CRISPLD1: variants seen among roughly 807,000 people sequenced by gnomAD.
The protein encoded by CRISPLD1 is cysteine rich secretory protein LCCL domain containing 1.
A neutral mutation model predicts 77.5 loss-of-function variants in CRISPLD1; 60 were observed. The observed-to-expected ratio is 0.77, with a 90% CI of 0.63 to 0.96. CRISPLD1 has a LOEUF of 0.96. Among genes scored for constraint, CRISPLD1 ranks in the 40% least tolerant of loss-of-function variants. The probability of loss-of-function intolerance (pLI) is 0.00; values close to 1 mark genes in which losing one functional copy is unlikely to be tolerated. For synonymous variants in CRISPLD1, 195 were observed against 200.1 expected (o/e 0.97, Z 0.22); for missense variants, 623 against 615.8 (o/e 1.01, Z -0.12).
At chr8:74,999,317 C>T (rs1232761271) in intron 2 of CRISPLD1, among the ~76,000 whole-genome samples, 3 of 152,150 alleles carry the variant, frequency 2.0e-5, no homozygotes, top group African/African-American at 7.2e-5. Context: ...GTAAGCCATG[C>T]ATGCTTTATA....
chr8:75,019,445 A>C (rs138477399), intron 10 of CRISPLD1, among the ~76,000 whole-genome samples: 194 of 152,276 alleles, frequency 1.3e-3, no homozygotes, highest in African/African-American at 4.6e-3. Context: ...AAAAAGGAAT[A>C]ATGGACGCTC....
chr8:75,018,600 T>G (rs939734530), intron 10 of CRISPLD1, among the ~76,000 whole-genome samples: 2 of 149,370 alleles, frequency 1.3e-5, no homozygotes, highest in Non-Finnish European at 1.5e-5. Flanking sequence ...TTATACAGTC[T>G]TATTAAAAGG....
chr8:75,007,222 T>C (rs937199042), intron 2 of CRISPLD1, among the ~76,000 whole-genome samples: 1 of 152,162 alleles, frequency 6.6e-6, no homozygotes, highest in African/African-American at 2.4e-5. Context: ...TAATTTACTA[T>C]GGTCAAGAAG....
At chr8:75,022,341 C>T (rs574296680) in intron 12 of CRISPLD1, among the ~76,000 whole-genome samples, 3 of 152,010 alleles carry the variant, frequency 2.0e-5, no homozygotes, top group Admixed American at 6.5e-5. Context: ...AATCCCAGCA[C>T]TTTGGGAGGC....
At position 75,032,984 on chromosome 8, in the gene CRISPLD1, C is replaced by T. The variant is rs929611709; in HGVS notation, c.*742C>T. On this transcript the variant is annotated 3_prime_UTR_variant, in exon 15 of 15. Transcript: ENST00000262207. ...CTATGTACTGTTAAAATTGAGGTCACATATTTTCTTTTGTATCCTGGCAAA... is the reference window on the plus strand; with the variant it reads ...CTATGTACTGTTAAAATTGAGGTCATATATTTTCTTTTGTATCCTGGCAAA... 4 of 151,906 alleles carry T rather than the reference C, an allele frequency of 2.6e-5. No individual in the cohort carries two copies. The highest frequency in any genetic ancestry group is 9.7e-5 in the African/African-American group (4 of 41,390). 9.4% of individuals were successfully genotyped at this position (151,906 alleles called of 1,614,324 possible).
chr8:74,987,257 T>G (rs956797733), intron 2 of CRISPLD1, among the ~76,000 whole-genome samples: 5 of 152,164 alleles, frequency 3.3e-5, no homozygotes, highest in African/African-American at 1.2e-4. Context: ...TATTTTACCC[T>G]AAAGAAAGTA....
intron 5 of CRISPLD1, 136 bp from the exon 6 acceptor site, chr8:75,014,676 A>G (rs1812994847): frequency 1.3e-5 from 7 of 543,918 alleles, no homozygotes; most frequent in Non-Finnish European, 1.9e-5. Flanking sequence ...GAAGGGCTCT[A>G]TAATAAATTA....
chr8:74,991,520 A>G (rs1016236018), intron 2 of CRISPLD1, among the ~76,000 whole-genome samples: 1 of 152,128 alleles, frequency 6.6e-6, no homozygotes, highest in South Asian at 2.1e-4. Flanking sequence ...CTGTGTTCAC[A>G]TTGAATTACT....
At position 74,991,595 on chromosome 8, in the gene CRISPLD1, G is replaced by C. The variant is rs547711030; in HGVS notation, c.258+5350G>C. On this transcript the variant is annotated intron_variant, in intron 2 of 14. Transcript: ENST00000262207. ...TGCTGGGCTGGAGCGCAATGGTACT[G>C]TCTCGGCTCACTGCAATGTCCGCCT... Among the ~76,000 whole-genome samples the C allele has an allele frequency of 1.1e-3, 163 of 152,172 alleles. 4 individuals carry two copies. The highest frequency in any genetic ancestry group is 5.0e-4 in the Non-Finnish European group (34 of 68,028).
chr8:74,998,890 C>T (rs886620012), intron 2 of CRISPLD1, among the ~76,000 whole-genome samples: 1 of 151,660 alleles, frequency 6.6e-6, no homozygotes, highest in Non-Finnish European at 1.5e-5. Flanking sequence ...TAGGCAACAT[C>T]TGGAGACTAG....
chr8:75,031,961 A>G (rs142092209), intron 14 of CRISPLD1, among the ~76,000 whole-genome samples: 144 of 152,080 alleles, frequency 9.5e-4, no homozygotes, highest in Non-Finnish European at 1.6e-3. Context: ...ACCATTACAC[A>G]TCTTAAATGT....
chr8:74,986,414 AAG>A (rs1247273407), intron 2 of CRISPLD1, among the ~76,000 whole-genome samples, 169 bp downstream of exon 2: 1 of 152,208 alleles, frequency 6.6e-6, no homozygotes. Flanking sequence ...TTTTGTTTCT[AAG>A]AGCTCTTGAC....
At chr8:75,004,103 A>G (rs761147148) in intron 2 of CRISPLD1, among the ~76,000 whole-genome samples, 11 of 152,200 alleles carry the variant, frequency 7.2e-5, no homozygotes, top group Non-Finnish European at 1.2e-4. Context: ...TAAGTGAAAC[A>G]CTACCACACA....
chr8:75,033,806 C>G lies in CRISPLD1; in HGVS notation c.*1564C>G, dbSNP rs1237201782. The G allele has an allele frequency of 1.3e-5, 2 of 150,014 alleles. No individual in the cohort carries two copies. The highest frequency in any genetic ancestry group is 4.2e-4 in the South Asian group (2 of 4,752). The allele number at this position is 150,014 out of a possible 1,614,324, so 9.3% of individuals were successfully genotyped here. Reference sequence around the variant, plus strand: ...AGTACTGGCTTACAGCTAAGTGGTTCCAAATACTGGTAATTAAAACAATGA... The same window carrying G: ...AGTACTGGCTTACAGCTAAGTGGTTGCAAATACTGGTAATTAAAACAATGA... On this transcript the variant is annotated 3_prime_UTR_variant, in exon 15 of 15. Coordinates refer to ENST00000262207, the MANE Select transcript of CRISPLD1 (RefSeq NM_031461.6).
intron 4 of CRISPLD1, 81 bp from the exon 5 acceptor site, chr8:75,013,906 T>A: frequency 1.1e-6 from 1 of 896,436 alleles, no homozygotes; most frequent in Non-Finnish European, 1.8e-6. Flanking sequence ...CACATTCAAA[T>A]TTTATGCATT....
At chr8:75,012,667 A>T in intron 3 of CRISPLD1, 116 bp downstream of exon 3, 1 of 847,614 alleles carries the variant, frequency 1.2e-6, no homozygotes, top group South Asian at 1.7e-5. Flanking sequence ...AGTAATCACG[A>T]AACAAGTAAC....
intron 2 of CRISPLD1, among the ~76,000 whole-genome samples, chr8:74,990,375 C>T (rs571536736): frequency 5.9e-5 from 9 of 152,142 alleles, no homozygotes; most frequent in East Asian, 3.9e-4. Context: ...AAGTGTTTGC[C>T]GTATGGGTTT....
At chr8:75,023,972 C>T (rs542597184) in intron 12 of CRISPLD1, among the ~76,000 whole-genome samples, 1 of 152,096 alleles carries the variant, frequency 6.6e-6, no homozygotes, top group South Asian at 2.1e-4. Context: ...AGAGCCTGAA[C>T]AACAAAAAAA....
rs146334486 is a variant in CRISPLD1 at position 75,024,930 on chromosome 8, G to A, written c.1245-616G>A. Reference sequence around the variant, plus strand: ...GAGGTGCCATTTATTGCAATGGGAAGCCTACGGAAAGAAACAGATTTGGGA... The same window carrying A: ...GAGGTGCCATTTATTGCAATGGGAAACCTACGGAAAGAAACAGATTTGGGA... On this transcript the variant is annotated intron_variant, in intron 12 of 14. Transcript: ENST00000262207. Among the ~76,000 whole-genome samples, 718 of 152,246 alleles carry A rather than the reference G, an allele frequency of 4.7e-3. 5 individuals are homozygous for A. Among genetic ancestry groups the A allele is most frequent in the African/African-American group, 0.016 (679 of 41,536 alleles).
Sources: gnomAD v4.1 joint callset for allele counts (sites outside exome capture counted in the v4.1 genomes callset) on GRCh38, gnomAD v4.1.1 for gene constraint, MANE v1.5 for transcripts, NCBI Gene and HGNC (gene_info 2026-07-23, HGNC 2026-07-21) for gene names.